Variants in SLC25A26 observed in about 807,000 individuals in gnomAD.
The protein encoded by SLC25A26 is solute carrier family 25 member 26.
A neutral mutation model predicts 37.8 loss-of-function variants in SLC25A26; 36 were observed. The ratio of observed to expected loss-of-function variants is 0.95; its 90% CI spans 0.73 to 1.26. The LOEUF (loss-of-function observed/expected upper bound fraction) is 1.26. SLC25A26 is among the 50% of genes most tolerant of loss of function. The pLI is 0.00. For missense variants in SLC25A26, 390 were observed against 331.1 expected, an observed-to-expected ratio of 1.18 and a Z score of -1.38; for synonymous variants, 129 against 122.5, an observed-to-expected ratio of 1.05 and a Z score of -0.35.
intron 6 of SLC25A26, among the ~76,000 whole-genome samples, chr3:66,348,097 T>C (rs1043233919): frequency 6.6e-6 from 1 of 152,092 alleles, no homozygotes; most frequent in Non-Finnish European, 1.5e-5. Context: ...TGTAACAAAC[T>C]TGCACATCCT....
At chr3:66,173,475 G>A (rs1033471806) in intron 1 of SLC25A26, among the ~76,000 whole-genome samples, 1 of 152,168 alleles carries the variant, frequency 6.6e-6, no homozygotes, top group Non-Finnish European at 1.5e-5. Context: ...AGGTTCATAA[G>A]CCGGGAGTGG....
chr3:66,363,448 T>C (rs56669502), intron 7 of SLC25A26, among the ~76,000 whole-genome samples: 7,473 of 152,284 alleles, frequency 0.049, 593 homozygotes, highest in African/African-American at 0.17. Flanking sequence ...TCTACACATC[T>C]GGGCATTTTC....
intron 5 of SLC25A26, among the ~76,000 whole-genome samples, chr3:66,338,956 T>C (rs984482308): frequency 2.0e-5 from 3 of 152,044 alleles, no homozygotes; most frequent in African/African-American, 4.8e-5. Context: ...TGTATGTATA[T>C]ACCATATTTT....
At chr3:66,175,109 GTATATATATATATA>G (rs769631849) in intron 1 of SLC25A26, among the ~76,000 whole-genome samples, 2 of 97,332 alleles carry the variant, frequency 2.1e-5, no homozygotes, top group East Asian at 3.0e-4. Flanking sequence ...ATGTGTGTGT[GTATATATATATATA>G]TATATATATA....
At chr3:66,156,882 A>G (rs2070290095) in intron 1 of SLC25A26, among the ~76,000 whole-genome samples, 1 of 152,062 alleles carries the variant, frequency 6.6e-6, no homozygotes, top group African/African-American at 2.4e-5. Context: ...ACTTTTCCCA[A>G]CAGGCTTCCA....
Position 66,138,916 on chromosome 3 carries a change from A to C in SLC25A26, c.-354+4932A>C, listed in dbSNP as rs367685934. The stretch of plus-strand genomic sequence containing the variant: ...ATCCCCCGTGATGAACAGGAAAGAC[A>C]AACAGTCATTCTTTTTGAGATTCTT... On this transcript the variant is annotated intron_variant, in intron 1 of 10. Transcript: ENST00000676754. Among the ~76,000 whole-genome samples, 6 of 152,280 alleles carry C rather than the reference A, an allele frequency of 3.9e-5. No homozygotes were observed. The East Asian group carries it at 1.2e-3, about 29-fold the overall frequency.
chr3:66,332,756 C>A (rs1334676552), intron 5 of SLC25A26, among the ~76,000 whole-genome samples: 1 of 151,904 alleles, frequency 6.6e-6, no homozygotes, highest in African/African-American at 2.4e-5. Context: ...GATACAGATA[C>A]ATGAAACTGT....
chr3:66,252,998 T>A (rs2073143908), intron 3 of SLC25A26, among the ~76,000 whole-genome samples: 1 of 147,088 alleles, frequency 6.8e-6, no homozygotes. Flanking sequence ...AATTTGCCGT[T>A]GGTTACTGTG....
chr3:66,155,908 C>T (rs533561960), intron 1 of SLC25A26, among the ~76,000 whole-genome samples: 19 of 152,296 alleles, frequency 1.2e-4, no homozygotes, highest in African/African-American at 3.8e-4. Context: ...CAGACCACTC[C>T]ACTCTCTCAT....
chr3:66,314,006 T>G (rs1376381803), intron 5 of SLC25A26, among the ~76,000 whole-genome samples: 1 of 152,186 alleles, frequency 6.6e-6, no homozygotes, highest in Admixed American at 6.5e-5. Context: ...CTTAAAAGCT[T>G]AAGAAGCTTG....
chr3:66,343,019 T>G (rs918957762), intron 5 of SLC25A26, among the ~76,000 whole-genome samples: 2 of 152,212 alleles, frequency 1.3e-5, no homozygotes, highest in African/African-American at 4.8e-5. Flanking sequence ...AGCTATTCAT[T>G]TTCTTCATCT....
chr3:66,326,650 CGAGAAG>C (rs2107663907), intron 5 of SLC25A26, among the ~76,000 whole-genome samples: 1 of 152,298 alleles, frequency 6.6e-6, no homozygotes, highest in African/African-American at 2.4e-5. Context: ...CCTGGGTTCC[CGAGAAG>C]CAGGAAGGGA....
intron 1 of SLC25A26, among the ~76,000 whole-genome samples, chr3:66,152,260 G>A (rs1251761068): frequency 6.6e-6 from 1 of 152,178 alleles, no homozygotes; most frequent in Non-Finnish European, 1.5e-5. Context: ...GCTGGCCCAA[G>A]GGCTACACTT....
chr3:66,307,799 C>T (rs1397069002), intron 5 of SLC25A26, among the ~76,000 whole-genome samples: 1 of 152,122 alleles, frequency 6.6e-6, no homozygotes, highest in African/African-American at 2.4e-5. Context: ...TGTCAAAGAG[C>T]AGATGGTTGT....
In SLC25A26 at chr3:66,369,042, AACAAAAACAAAAAAAAAAAAC is replaced by A. The variant is rs1355378167; in HGVS notation, c.569-434_569-414del. ...TGTCTTTTCAAAAAAAAAAAAAAAA[AACAAAAACAAAAAAAAAAAAC>A]AAAAGACAGTGGCCTATAGAAAGTC... On this transcript the variant is annotated intron_variant, in intron 7 of 9. Transcript: ENST00000354883. 0.012 allele frequency among the ~76,000 whole-genome samples: 302 copies of A among 26,122 alleles called. 1 individual carries two copies. The East Asian group carries it at 0.16, about 14-fold the overall frequency. 17.1% of individuals were successfully genotyped at this position (26,122 alleles called of 152,430 possible).
intron 9 of SLC25A26, among the ~76,000 whole-genome samples, chr3:66,373,928 A>G (rs907654958): frequency 2.6e-5 from 4 of 152,104 alleles, no homozygotes; most frequent in African/African-American, 9.7e-5. Flanking sequence ...GAAAGGATGC[A>G]GTCAGGTGCT....
chr3:66,355,560 G>A (rs979394258), intron 6 of SLC25A26, among the ~76,000 whole-genome samples: 2 of 152,200 alleles, frequency 1.3e-5, no homozygotes, highest in East Asian at 3.8e-4. Flanking sequence ...GTGGCGGAAT[G>A]AAAGCCAAAT....
At chr3:66,186,374 G>T (rs1576624047) in intron 1 of SLC25A26, among the ~76,000 whole-genome samples, 2 of 151,476 alleles carry the variant, frequency 1.3e-5, no homozygotes, top group East Asian at 3.9e-4. Flanking sequence ...TTTCTCCATT[G>T]ACCTTAAATG....
intron 3 of SLC25A26, among the ~76,000 whole-genome samples, chr3:66,256,251 A>T (rs1280344087): frequency 1.3e-5 from 2 of 152,072 alleles, no homozygotes; most frequent in East Asian, 3.9e-4. Flanking sequence ...TTGGACTTAT[A>T]CCCAATTTTA....
Sources: allele counts gnomAD v4.1 joint callset (sites outside exome capture counted in the v4.1 genomes callset), GRCh38; gene constraint gnomAD v4.1.1; transcripts MANE v1.5; gene names NCBI Gene and HGNC (gene_info 2026-07-23, HGNC 2026-07-21).